Variants in ARB2A observed in about 807,000 individuals in gnomAD.
The protein encoded by ARB2A is ARB2 cotranscriptional regulator A, also known as cotranscriptional regulator ARB2A.
chr5:93,808,007 A>C, the ARB2A span, among the ~76,000 whole-genome samples: 1 of 152,054 alleles, frequency 6.6e-6, no homozygotes, highest in South Asian at 2.1e-4. Flanking sequence ...TGCCTTGGAC[A>C]GGCCAATCAA....
At chr5:93,817,557 C>A in the ARB2A span, among the ~76,000 whole-genome samples, 1 of 152,154 alleles carries the variant, frequency 6.6e-6, no homozygotes, top group Non-Finnish European at 1.5e-5. Flanking sequence ...AGGATCTACT[C>A]CCTGATTTCC....
the ARB2A span, among the ~76,000 whole-genome samples, chr5:93,800,253 T>G: frequency 3.9e-5 from 6 of 152,090 alleles, no homozygotes; most frequent in African/African-American, 1.4e-4. Context: ...TTTGTTTCTT[T>G]TCATTCAGGA....
chr5:93,835,697 G>A, the ARB2A span, among the ~76,000 whole-genome samples: 34 of 152,080 alleles, frequency 2.2e-4, no homozygotes, highest in East Asian at 1.9e-3. Context: ...TTATGTCCAC[G>A]TCATATAAAT....
the ARB2A span, among the ~76,000 whole-genome samples, chr5:93,667,664 G>C: frequency 6.6e-6 from 1 of 152,110 alleles, no homozygotes; most frequent in Non-Finnish European, 1.5e-5. Context: ...TTGCTATGTT[G>C]TCCAGGCTGG....
chr5:94,029,028 G>C, the ARB2A span, among the ~76,000 whole-genome samples: 1 of 152,278 alleles, frequency 6.6e-6, no homozygotes, highest in South Asian at 2.1e-4. Context: ...TTTTGTTTGA[G>C]ATAGAGTCTT....
the ARB2A span, among the ~76,000 whole-genome samples, chr5:94,022,637 T>C: frequency 6.6e-6 from 1 of 152,326 alleles, no homozygotes; most frequent in East Asian, 1.9e-4. Context: ...TTACATTTGT[T>C]CAGTTATACC....
At chr5:93,850,489 T>G in the ARB2A span, among the ~76,000 whole-genome samples, 1 of 152,138 alleles carries the variant, frequency 6.6e-6, no homozygotes, top group African/African-American at 2.4e-5. Context: ...CAGGATGCTG[T>G]GAACAGCAGG....
At chr5:93,996,166 ATAT>A in the ARB2A span, among the ~76,000 whole-genome samples, 3 of 152,128 alleles carry the variant, frequency 2.0e-5, no homozygotes, top group East Asian at 3.9e-4. Context: ...GGTATAATAT[ATAT>A]TATCTATATG....
the ARB2A span, among the ~76,000 whole-genome samples, chr5:93,674,989 T>C: frequency 3.2e-4 from 49 of 152,292 alleles, no homozygotes; most frequent in Admixed American, 1.3e-4. Context: ...CTCACTATTT[T>C]CTAAGTAATG....
chr5:93,720,367 A>G, the ARB2A span, among the ~76,000 whole-genome samples: 13 of 152,308 alleles, frequency 8.5e-5, no homozygotes, highest in South Asian at 1.9e-3. Flanking sequence ...ATAATCCACA[A>G]TCAAAGCCTT....
the ARB2A span, among the ~76,000 whole-genome samples, chr5:93,829,415 A>G: frequency 6.6e-6 from 1 of 152,184 alleles, no homozygotes; most frequent in African/African-American, 2.4e-5. Context: ...TTCAGTACTG[A>G]AATGAGATAT....
At chr5:93,779,122 T>TGTGTGTGC in the ARB2A span, among the ~76,000 whole-genome samples, 1 of 147,370 alleles carries the variant, frequency 6.8e-6, no homozygotes, top group African/African-American at 2.5e-5. Flanking sequence ...TGTGTGTGTG[T>TGTGTGTGC]GTGCGCGCGC....
At chr5:94,052,402 G>A in the ARB2A span, among the ~76,000 whole-genome samples, 3 of 152,106 alleles carry the variant, frequency 2.0e-5, no homozygotes, top group Admixed American at 6.5e-5. Context: ...CTTAGTACAC[G>A]ATGACTGTCA....
At chr5:94,046,503 A>C in the ARB2A span, among the ~76,000 whole-genome samples, 1 of 152,158 alleles carries the variant, frequency 6.6e-6, no homozygotes, top group Non-Finnish European at 1.5e-5. Context: ...TGTGGAAAGC[A>C]TGCCCACTTG....
At chr5:93,972,378 A>G in the ARB2A span, among the ~76,000 whole-genome samples, 1 of 152,088 alleles carries the variant, frequency 6.6e-6, no homozygotes, top group Non-Finnish European at 1.5e-5. Flanking sequence ...AAACAAATCC[A>G]ATCAATCACA....
At chr5:93,948,609 C>T in the ARB2A span, among the ~76,000 whole-genome samples, 1 of 151,986 alleles carries the variant, frequency 6.6e-6, no homozygotes, top group Non-Finnish European at 1.5e-5. Context: ...AATGGTAATG[C>T]CTAGGTTTTC....
At chr5:94,053,010 A>C in the ARB2A span, 1 of 458,920 alleles carries the variant, frequency 2.2e-6, no homozygotes, top group Non-Finnish European at 3.8e-6. Flanking sequence ...TGGCCTTTAA[A>C]AGTAGCAAAT....
chr5:93,683,624 T>A, the ARB2A span: 3 of 1,530,338 alleles, frequency 2.0e-6, no homozygotes, highest in Non-Finnish European at 2.7e-6. Context: ...TTATCCACCT[T>A]AAAGTGATCA....
chr5:93,834,428 A>G, the ARB2A span, among the ~76,000 whole-genome samples: 8 of 152,226 alleles, frequency 5.3e-5, no homozygotes, highest in Non-Finnish European at 7.3e-5. Flanking sequence ...TTTATTCAAA[A>G]TATTACTTTA....
Sources: allele counts gnomAD v4.1 joint callset (sites outside exome capture counted in the v4.1 genomes callset), GRCh38; gene constraint gnomAD v4.1.1; transcripts MANE v1.5; gene names NCBI Gene and HGNC (gene_info 2026-07-23, HGNC 2026-07-21).